NODAL: variants seen among roughly 807,000 people sequenced by gnomAD.
NODAL encodes nodal homolog.
A neutral mutation model predicts 34.0 loss-of-function variants in NODAL; 12 were observed. The ratio of observed to expected loss-of-function variants is 0.35; its 90% CI spans 0.23 to 0.57. The LOEUF (loss-of-function observed/expected upper bound fraction) is 0.57. Among genes scored for constraint, NODAL ranks in the 20% least tolerant of loss-of-function variants. The probability of loss-of-function intolerance (pLI) is 0.83; values close to 1 mark genes in which losing one functional copy is unlikely to be tolerated. For synonymous variants in NODAL, 162 were observed against 186.4 expected (o/e 0.87, Z 1.07); for missense variants, 390 against 444.2 (o/e 0.88, Z 1.10).
At chr10:70,443,304 T>G (rs1209309752), upstream of NODAL, among the ~76,000 whole-genome samples, 2 of 152,154 alleles carry the variant, frequency 1.3e-5, no homozygotes, top group African/African-American at 4.8e-5. Flanking sequence ...GGACAGTCTG[T>G]TAGTTTCCTA....
At chr10:70,440,996 CTG>C (rs990175632) in intron 1 of NODAL, among the ~76,000 whole-genome samples, 1 of 152,250 alleles carries the variant, frequency 6.6e-6, no homozygotes, top group South Asian at 2.1e-4. Context: ...CGACCGTTGA[CTG>C]TGGCTGTGCC....
chr10:70,447,179 T>A (rs1845497745), intron 1 of NODAL, among the ~76,000 whole-genome samples: 1 of 151,550 alleles, frequency 6.6e-6, no homozygotes, highest in Non-Finnish European at 1.5e-5. Context: ...GTTCAAGTGA[T>A]TCTCCTGCCT....
upstream of NODAL, among the ~76,000 whole-genome samples, chr10:70,442,569 T>C (rs142796079): frequency 8.9e-4 from 136 of 152,292 alleles, 6 homozygotes; most frequent in East Asian, 0.019. Flanking sequence ...AGGGCTGGAA[T>C]GACTTTTAAA....
chr10:70,442,720 AGCGC>A (rs1845446150), upstream of NODAL, among the ~76,000 whole-genome samples: 1 of 152,164 alleles, frequency 6.6e-6, no homozygotes. Flanking sequence ...ACACTTACTA[AGCGC>A]CAGGCATAGT....
At chr10:70,439,889 G>A (rs1486869514) in intron 1 of NODAL, among the ~76,000 whole-genome samples, 6 of 152,198 alleles carry the variant, frequency 3.9e-5, no homozygotes, top group Admixed American at 2.0e-4. Context: ...TGGCCAATAT[G>A]GTGAAACTCT....
chr10:70,432,729 C>G lies in NODAL; in HGVS notation c.*207G>C. On this transcript the variant is annotated 3_prime_UTR_variant, in exon 3 of 3. Transcript: ENST00000287139. ...GCCCCCTGCACAGGCTTCTTCCTCC[C>G]TCTTCCTGACAGCAGCCTCTGTGCT... 1 of 620,806 alleles carries G rather than the reference C, an allele frequency of 1.6e-6. No homozygotes were observed. Among genetic ancestry groups the G allele is most frequent in the Non-Finnish European group, 2.9e-6 (1 of 347,098 alleles). 38.5% of individuals were successfully genotyped at this position (620,806 alleles called of 1,614,324 possible).
In NODAL at chr10:70,432,720, T is replaced by G. The variant is rs1564666356; in HGVS notation, c.*216A>C. The G allele has an allele frequency of 1.7e-6, 1 of 605,114 alleles. No individual in the cohort carries two copies. The highest frequency in any genetic ancestry group is 3.0e-6 in the Non-Finnish European group (1 of 338,004). The allele number at this position is 605,114 out of a possible 1,614,324, so 37.5% of individuals were successfully genotyped here. ...ATCCAGCCAGCCCCCTGCACAGGCT[T>G]CTTCCTCCCTCTTCCTGACAGCAGC... On this transcript the variant is annotated 3_prime_UTR_variant, in exon 3 of 3. Coordinates refer to ENST00000287139, the MANE Select transcript of NODAL (RefSeq NM_018055.5).
In NODAL at chr10:70,441,531, C is replaced by T. The variant is rs1478333035; in HGVS notation, c.137G>A (p.Ser46Asn). ...SSPSPLAYML[S>N]LYRDPLPRAD... ...CCTCGGCAGCGGGTCGCGGTAGAGG[C>T]TCAGCATGTACGCCAGAGGGGATGG... Residue 46 changes from serine (S) to asparagine (N), a missense_variant, in exon 1 of 3, where the codon AGC becomes AAC. Coordinates refer to ENST00000287139, the MANE Select transcript of NODAL (RefSeq NM_018055.5). 1 of 1,595,536 alleles carries T rather than the reference C, an allele frequency of 6.3e-7. No individual in the cohort carries two copies. The highest frequency in any genetic ancestry group is 8.5e-7 in the Non-Finnish European group (1 of 1,172,478).
chr10:70,435,109 T>A (rs1845326641), intron 2 of NODAL, 177 bp downstream of exon 2: 1 of 631,908 alleles, frequency 1.6e-6, no homozygotes, highest in Non-Finnish European at 2.8e-6. Context: ...ACAGGCTCTA[T>A]AAGGATGTTA....
rs1236692169 is a variant in NODAL at position 70,432,356 on chromosome 10, G to C, written c.*580C>G. 1 of 172,674 alleles carries C rather than the reference G, an allele frequency of 5.8e-6. No homozygotes were observed. The highest frequency in any genetic ancestry group is 1.3e-5 in the Non-Finnish European group (1 of 79,186). 10.7% of individuals were successfully genotyped at this position (172,674 alleles called of 1,614,324 possible). ...TATTGTTGTACAGCTCATTAGCAGA[G>C]AACCACTCCAGTGAGCCTCTGGACA... On this transcript the variant is annotated 3_prime_UTR_variant, in exon 3 of 3. Transcript: ENST00000287139.
intron 1 of NODAL, among the ~76,000 whole-genome samples, chr10:70,439,711 G>C (rs553990877): frequency 7.2e-4 from 109 of 152,330 alleles, no homozygotes; most frequent in Non-Finnish European, 1.1e-3. Flanking sequence ...CTCCAGGCGG[G>C]CTCTTCCCAC....
intron 1 of NODAL, among the ~76,000 whole-genome samples, chr10:70,441,231 C>T (rs1845426211): frequency 6.6e-6 from 1 of 152,266 alleles, no homozygotes; most frequent in African/African-American, 2.4e-5. Context: ...AGGACACACC[C>T]TGAACGCTAG....
At chr10:70,441,426 G>A (rs893631300) in intron 1 of NODAL, 49 bp downstream of exon 1, 18 of 1,535,180 alleles carry the variant, frequency 1.2e-5, no homozygotes, top group Non-Finnish European at 1.6e-5. Context: ...GGACGCGGCG[G>A]AGGCGCCCCG....
At chr10:70,445,558 G>A (rs1564670377), upstream of NODAL, among the ~76,000 whole-genome samples, 3 of 152,166 alleles carry the variant, frequency 2.0e-5, no homozygotes, top group South Asian at 2.1e-4. Flanking sequence ...GCGCCTGGCC[G>A]GCGCTCACTG....
chr10:70,440,547 T>A (rs949602796), intron 1 of NODAL, among the ~76,000 whole-genome samples: 1 of 152,086 alleles, frequency 6.6e-6, no homozygotes, highest in Non-Finnish European at 1.5e-5. Flanking sequence ...GAGGGCCGTC[T>A]GGCCCCCGCA....
At chr10:70,436,323 CAGTAAAAA>C (rs374585278) in intron 1 of NODAL, 9 of 378,852 alleles carry the variant, frequency 2.4e-5, no homozygotes, top group African/African-American at 1.7e-4. Context: ...AGAGGACAGT[CAGTAAAAA>C]TGTGATGAGT....
At chr10:70,440,633 C>T (rs1269869820) in intron 1 of NODAL, among the ~76,000 whole-genome samples, 5 of 152,202 alleles carry the variant, frequency 3.3e-5, no homozygotes, top group African/African-American at 4.8e-5. Context: ...GGCTCCCTCT[C>T]CGCAGCACCC....
intron 1 of NODAL, among the ~76,000 whole-genome samples, chr10:70,439,395 G>A (rs1026562116): frequency 2.0e-5 from 3 of 152,162 alleles, no homozygotes; most frequent in South Asian, 2.1e-4. Flanking sequence ...GTGAGGCAGG[G>A]CTGTAAGGAC....
At chr10:70,444,604 G>A (rs951666152), upstream of NODAL, among the ~76,000 whole-genome samples, 22 of 152,234 alleles carry the variant, frequency 1.4e-4, no homozygotes, top group African/African-American at 5.1e-4. Context: ...ATAAGTGCTG[G>A]GATTACAGGC....
Sources: allele counts gnomAD v4.1 joint callset (sites outside exome capture counted in the v4.1 genomes callset), GRCh38; gene constraint gnomAD v4.1.1; transcripts MANE v1.5; gene names NCBI Gene and HGNC (gene_info 2026-07-23, HGNC 2026-07-21).